Variants in UQCR10 observed in about 807,000 individuals in gnomAD.
UQCR10 encodes the protein cytochrome b-c1 complex subunit 9.
UQCR10 carries 5 observed loss-of-function variants against 6.0 expected under a neutral mutation model. That is an observed-to-expected ratio of 0.83 (90% confidence interval 0.43 to 1.74). UQCR10 has a LOEUF of 1.74. UQCR10 is among the 40% of genes most tolerant of loss of function. The pLI, the probability that UQCR10 is intolerant of heterozygous loss-of-function variation, is 0.02. For synonymous variants in UQCR10, 40 were observed against 37.4 expected (o/e 1.07, Z -0.26); for missense variants, 101 against 85.1 (o/e 1.19, Z -0.74).
chr22:29,769,641 A>G, intron 1 of UQCR10, 37 bp from the exon 2 acceptor site: 2 of 1,590,456 alleles, frequency 1.3e-6, no homozygotes, highest in African/African-American at 1.3e-5. Flanking sequence ...GTGAGAGGCA[A>G]AGGTCAAAGT....
intron 1 of UQCR10, among the ~76,000 whole-genome samples, chr22:29,768,722 G>A (rs1156407328): frequency 2.6e-5 from 4 of 152,202 alleles, no homozygotes; most frequent in South Asian, 2.1e-4. Flanking sequence ...GACCTCCTGG[G>A]TTCAAGTGAT....
At chr22:29,769,349 A>G (rs1184558413) in intron 1 of UQCR10, among the ~76,000 whole-genome samples, 1 of 152,150 alleles carries the variant, frequency 6.6e-6, no homozygotes, top group Non-Finnish European at 1.5e-5. Flanking sequence ...TAAAAATACA[A>G]AAATTAGCCG....
In UQCR10 at chr22:29,767,388, T is replaced by C. The variant is rs1569343784; in HGVS notation, c.-11T>C. On this transcript the variant is annotated 5_prime_UTR_variant, in exon 1 of 2. Coordinates refer to ENST00000330029, the MANE Select transcript of UQCR10 (RefSeq NM_013387.4). ...GCAGGCGCGGTGGCGCGAGTTGGACTGTGAAGAAACATGGCGGCCGCGACG... is the reference window on the plus strand; with the variant it reads ...GCAGGCGCGGTGGCGCGAGTTGGACCGTGAAGAAACATGGCGGCCGCGACG... The C allele has an allele frequency of 1.2e-6, 2 of 1,611,542 alleles. No individual in the cohort carries two copies. Among genetic ancestry groups the C allele is most frequent in the Non-Finnish European group, 1.7e-6 (2 of 1,178,746 alleles).
chr22:29,767,664 C>G, intron 1 of UQCR10, 116 bp downstream of exon 1: 1 of 1,414,390 alleles, frequency 7.1e-7, no homozygotes, highest in Non-Finnish European at 9.4e-7. Context: ...AAACCGTCGG[C>G]GTCTTCTGTC....
In UQCR10 at chr22:29,769,648, A is replaced by G. The variant is rs770486668; in HGVS notation, c.151-30A>G. On this transcript the variant is annotated intron_variant, in intron 1 of 1. Transcript: ENST00000330029. ...TGTAAAATGTGAGAGGCAAAGGTCAAAGTTTGTGGCTCTTGTCTTTAAAAT... is the reference window on the plus strand; with the variant it reads ...TGTAAAATGTGAGAGGCAAAGGTCAGAGTTTGTGGCTCTTGTCTTTAAAAT... 5 of 1,436,802 alleles carry G rather than the reference A, an allele frequency of 3.5e-6. No homozygotes were observed. The South Asian group carries it at 5.9e-5, about 17-fold the overall frequency. 89.0% of individuals were successfully genotyped at this position (1,436,802 alleles called of 1,614,324 possible).
rs1292625891 is a variant in UQCR10, at chr22:29,767,470, C to T, written c.72C>T (p.Thr24=). 6.2e-7 allele frequency: 1 copy of T among 1,614,038 alleles called. No individual in the cohort carries two copies. ...GCAGGACCTCCACCTTCGCCCTCAC[C>T]ATCATCGTGGGCGTCATGTTCTTCG... ...LFRRTSTFAL[T]IIVGVMFFER... Residue 24 remains threonine (T), a synonymous_variant, in exon 1 of 2, where the codon ACC becomes ACT. Coordinates refer to ENST00000330029, the MANE Select transcript of UQCR10 (RefSeq NM_013387.4).
At chr22:29,768,030 G>A (rs1180102841) in intron 1 of UQCR10, among the ~76,000 whole-genome samples, 1 of 152,194 alleles carries the variant, frequency 6.6e-6, no homozygotes. Context: ...GGTATTAATG[G>A]TTGAGAGTGG....
chr22:29,768,969 C>G (rs903767655), intron 1 of UQCR10, among the ~76,000 whole-genome samples: 1 of 152,150 alleles, frequency 6.6e-6, no homozygotes, highest in African/African-American at 2.4e-5. Flanking sequence ...ATTTAGGTCC[C>G]AGGAAATGTC....
At position 29,770,210 on chromosome 22, in the gene UQCR10, G is replaced by A. The variant is rs2068253910; in HGVS notation, c.*491G>A. The A allele has an allele frequency of 5.7e-6, 2 of 353,018 alleles. No homozygotes were observed. Among genetic ancestry groups the A allele is most frequent in the Admixed American group, 7.6e-5 (2 of 26,284 alleles). The allele number at this position is 353,018 out of a possible 1,614,324, so 21.9% of individuals were successfully genotyped here. On this transcript the variant is annotated 3_prime_UTR_variant, in exon 2 of 2. Coordinates refer to ENST00000330029, the MANE Select transcript of UQCR10 (RefSeq NM_013387.4). ...GGAAGCACTATGGCCTCAGCTGGGG[G>A]AAAGACCCTGGCCTAGGGGTCTTAG...
chr22:29,767,409 C>G lies in UQCR10; in HGVS notation c.11C>G (p.Ala4Gly), dbSNP rs1164305036. The change falls in exon 1 of 2, where the codon GCG becomes GGG. Residue 4 changes from alanine to glycine, a missense_variant. By Grantham distance (60) the Ala-to-Gly change is moderately conservative. Transcript: ENST00000330029. MAA[A>G]TLTSKLYSLL... is the part of the protein sequence containing the mutation. ...GGACTGTGAAGAAACATGGCGGCCG[C>G]GACGTTGACTTCGAAATTGTACTCC... 2 of 1,612,912 alleles carry G rather than the reference C, an allele frequency of 1.2e-6. No individual in the cohort carries two copies. Among genetic ancestry groups the G allele is most frequent in the Admixed American group, 1.7e-5 (1 of 60,000 alleles).
intron 1 of UQCR10, 100 bp downstream of exon 1, chr22:29,767,648 A>G (rs1446250259): frequency 6.9e-7 from 1 of 1,454,850 alleles, no homozygotes; most frequent in Non-Finnish European, 9.2e-7. Flanking sequence ...GAAGGGGGTA[A>G]GGGGTAAACC....
chr22:29,768,784 G>A (rs563301528), intron 1 of UQCR10, among the ~76,000 whole-genome samples: 1 of 152,194 alleles, frequency 6.6e-6, no homozygotes, highest in East Asian at 1.9e-4. Flanking sequence ...GCGCCACCAC[G>A]CCCAGCTAAT....
chr22:29,769,686 G>C lies in UQCR10; in HGVS notation c.159G>C (p.Trp53Cys). 1 of 1,609,448 alleles carries C rather than the reference G, an allele frequency of 6.2e-7. No individual in the cohort carries two copies. The highest frequency in any genetic ancestry group is 8.5e-7 in the Non-Finnish European group (1 of 1,177,988). ...IYDHINEGKLWKHIKHKYENK is the reference protein window; with the variant it reads ...IYDHINEGKLCKHIKHKYENK ...TTGTCTTTAAAATGCAGAAGCTGTG[G>C]AAACACATCAAGCACAAGTATGAGA... The change falls in exon 2 of 2, where the codon TGG becomes TGC. Residue 53 changes from tryptophan (W) to cysteine (C), a missense_variant. Trp to Cys is a radical substitution (Grantham distance 215). Coordinates refer to ENST00000330029, the MANE Select transcript of UQCR10 (RefSeq NM_013387.4).
chr22:29,767,547 G>A lies in UQCR10; in HGVS notation c.149G>A (p.Gly50Glu), dbSNP rs757512157. Residue 50 changes from glycine to glutamate, a missense_variant and splice_region_variant, in exon 1 of 2, where the codon GGG (glycine) becomes GAG (glutamate). Gly to Glu is a moderately conservative substitution (Grantham distance 98, BLOSUM62 -2). Transcript: ENST00000330029. ...ADAIYDHINE[G>E]KLWKHIKHKY... ...GCTATCTACGACCACATCAACGAGGGGGTGAGGGCCTGTGCCATCCCTGAC... is the reference window on the plus strand; with the variant it reads ...GCTATCTACGACCACATCAACGAGGAGGTGAGGGCCTGTGCCATCCCTGAC... The A allele has an allele frequency of 6.2e-7, 1 of 1,613,620 alleles. No homozygotes were observed. The highest frequency in any genetic ancestry group is 1.7e-5 in the Admixed American group (1 of 59,980).
At chr22:29,767,753 G>T in intron 1 of UQCR10, 7 of 840,588 alleles carry the variant, frequency 8.3e-6, no homozygotes, top group Non-Finnish European at 1.2e-5. Context: ...ATTTTGCAGG[G>T]GTTGTAAGTA....
rs751245965 is a variant in UQCR10, at chr22:29,769,954, C to G, written c.*235C>G. On this transcript the variant is annotated 3_prime_UTR_variant, in exon 2 of 2. Coordinates refer to ENST00000330029, the MANE Select transcript of UQCR10 (RefSeq NM_013387.4). ...TGTGAATTGCCCTTGAGACCTGCTTCTACATTGGTTGCTTTGTTAACTCTA... is the reference window on the plus strand; with the variant it reads ...TGTGAATTGCCCTTGAGACCTGCTTGTACATTGGTTGCTTTGTTAACTCTA... 4.2e-5 allele frequency: 28 copies of G among 658,986 alleles called. No individual in the cohort carries two copies. Among genetic ancestry groups the G allele is most frequent in the Non-Finnish European group, 5.9e-5 (21 of 356,210 alleles). The allele number at this position is 658,986 out of a possible 1,614,324, so 40.8% of individuals were successfully genotyped here.
chr22:29,769,663 G>T lies in UQCR10; in HGVS notation c.151-15G>T. On this transcript the variant is annotated splice_polypyrimidine_tract_variant and intron_variant, in intron 1 of 1. Transcript: ENST00000330029. ...GCAAAGGTCAAAGTTTGTGGCTCTT[G>T]TCTTTAAAATGCAGAAGCTGTGGAA... is the stretch of plus-strand genomic sequence containing the variant. 2 of 1,407,726 alleles carry T rather than the reference G, an allele frequency of 1.4e-6. No homozygotes were observed. Among genetic ancestry groups the T allele is most frequent in the Non-Finnish European group, 2.0e-6 (2 of 1,008,986 alleles). The allele number at this position is 1,407,726 out of a possible 1,614,324, so 87.2% of individuals were successfully genotyped here. A position where few individuals can be genotyped will look rare whatever the true frequency, so the allele number is the denominator to read the frequency against.
In UQCR10 at chr22:29,767,404, G is replaced by A. The variant is rs369381982; in HGVS notation, c.6G>A (p.Ala2=). The change falls in exon 1 of 2, where the codon GCG becomes GCA. Residue 2 remains alanine, a synonymous_variant. Transcript: ENST00000330029. M[A]AATLTSKLYS... is the part of the protein sequence containing the mutation. ...GAGTTGGACTGTGAAGAAACATGGC[G>A]GCCGCGACGTTGACTTCGAAATTGT... 1.4e-5 allele frequency: 22 copies of A among 1,612,632 alleles called. No homozygotes were observed. The highest frequency in any genetic ancestry group is 1.8e-4 in the Middle Eastern group (1 of 5,636).
chr22:29,768,759 T>A (rs1276194479), intron 1 of UQCR10, among the ~76,000 whole-genome samples: 5 of 152,210 alleles, frequency 3.3e-5, no homozygotes, highest in Non-Finnish European at 7.3e-5. Context: ...CCTGAGTAGC[T>A]GGGACCACAG....
Sources: allele counts gnomAD v4.1 joint callset (sites outside exome capture counted in the v4.1 genomes callset), GRCh38; gene constraint gnomAD v4.1.1; transcripts MANE v1.5; gene names NCBI Gene and HGNC (gene_info 2026-07-23, HGNC 2026-07-21).